Variants in NRIP1 observed in about 807,000 individuals in gnomAD.
The protein encoded by NRIP1 is nuclear receptor interacting protein 1, also known as nuclear receptor-interacting protein 1.
In NRIP1, 28 loss-of-function variants were observed where a neutral mutation model predicts 75.0. The ratio of observed to expected loss-of-function variants is 0.37; its 90% CI spans 0.28 to 0.51. NRIP1 has a LOEUF of 0.51. NRIP1 is among the 20% of genes least tolerant of loss of function. NRIP1 has a pLI of 0.92. For synonymous variants in NRIP1, 526 were observed against 487.6 expected (o/e 1.08, Z -1.04); for missense variants, 1,435 against 1,343.7 (o/e 1.07, Z -1.06).
intron 2 of NRIP1, among the ~76,000 whole-genome samples, chr21:15,030,984 G>A (rs1050340971): frequency 7.0e-6 from 1 of 142,540 alleles, no homozygotes; most frequent in Non-Finnish European, 1.6e-5. Context: ...TGTACACTCT[G>A]GAAGGTGTTC....
intron 1 of NRIP1, among the ~76,000 whole-genome samples, chr21:15,044,704 T>C (rs1234923510): frequency 6.6e-6 from 1 of 152,228 alleles, no homozygotes; most frequent in East Asian, 1.9e-4. Context: ...TTTTTCATTT[T>C]CATTTCATTT....
At chr21:15,032,234 T>C (rs573861066) in intron 2 of NRIP1, among the ~76,000 whole-genome samples, 9 of 152,200 alleles carry the variant, frequency 5.9e-5, no homozygotes, top group Admixed American at 2.6e-4. Flanking sequence ...AAACAAGAAC[T>C]CTTCAAATTC....
chr21:15,019,465 C>T (rs1410960607), intron 2 of NRIP1, among the ~76,000 whole-genome samples: 2 of 106,838 alleles, frequency 1.9e-5, no homozygotes, highest in African/African-American at 3.4e-5. Flanking sequence ...CAAACAACTG[C>T]ATTTCTTTTT....
chr21:15,035,504 A>G (rs2088811216), intron 2 of NRIP1, among the ~76,000 whole-genome samples: 1 of 152,014 alleles, frequency 6.6e-6, no homozygotes, highest in Non-Finnish European at 1.5e-5. Flanking sequence ...AAGGTTTAAA[A>G]CTAAGAAAAT....
intron 2 of NRIP1, among the ~76,000 whole-genome samples, chr21:15,024,124 C>A (rs2088449429): frequency 6.6e-6 from 1 of 152,078 alleles, no homozygotes; most frequent in Admixed American, 6.5e-5. Context: ...TTCCTTAAGA[C>A]ACAGAAAGGT....
At chr21:15,046,914 C>CGGCCAGT (rs2089092008) in intron 1 of NRIP1, among the ~76,000 whole-genome samples, 1 of 152,166 alleles carries the variant, frequency 6.6e-6, no homozygotes, top group African/African-American at 2.4e-5. Flanking sequence ...CATCTCCTCT[C>CGGCCAGT]GGCCTTTGTG....
chr21:15,018,912 G>A (rs1028665395), intron 2 of NRIP1, among the ~76,000 whole-genome samples: 14 of 151,880 alleles, frequency 9.2e-5, no homozygotes, highest in East Asian at 1.9e-4. Context: ...CCCATTTTAC[G>A]GAGAAAAAAT....
chr21:15,044,803 T>C (rs917606230), intron 1 of NRIP1, among the ~76,000 whole-genome samples: 1 of 152,188 alleles, frequency 6.6e-6, no homozygotes, highest in Non-Finnish European at 1.5e-5. Flanking sequence ...TCTTCACCAC[T>C]ATACCTGTAG....
intron 3 of NRIP1, among the ~76,000 whole-genome samples, chr21:14,974,905 C>A (rs142535581): frequency 2.6e-5 from 4 of 151,680 alleles, no homozygotes; most frequent in Admixed American, 2.6e-4. Flanking sequence ...CCCAGGAGTT[C>A]GAGACCAGCC....
intron 1 of NRIP1, among the ~76,000 whole-genome samples, chr21:15,056,901 A>G (rs898091091): frequency 6.6e-6 from 1 of 152,180 alleles, no homozygotes; most frequent in Admixed American, 6.5e-5. Flanking sequence ...GGAGAAGCTC[A>G]TAACTCCATT....
chr21:15,006,497 T>C (rs553923396), intron 3 of NRIP1, among the ~76,000 whole-genome samples: 1 of 152,196 alleles, frequency 6.6e-6, no homozygotes, highest in Non-Finnish European at 1.5e-5. Context: ...AATCACAATA[T>C]ATGCTAAAAT....
chr21:15,022,936 T>A (rs1053481184), intron 2 of NRIP1, among the ~76,000 whole-genome samples: 3 of 152,206 alleles, frequency 2.0e-5, no homozygotes, highest in Non-Finnish European at 4.4e-5. Context: ...TACAACATAG[T>A]CAAACTTTAT....
At position 14,967,198 on chromosome 21, in the gene NRIP1, G is replaced by C; in HGVS notation, c.995C>G (p.Ser332Ter). Residue 332 changes from serine (S) to a stop codon, truncating the protein, a stop_gained, in exon 4 of 4, where the codon TCA becomes TGA. Coordinates refer to ENST00000318948, the MANE Select transcript of NRIP1 (RefSeq NM_003489.4). LOFTEE classifies it high-confidence loss of function. ...TTTGCTAGCCATCAGTTTGCTTGATGATGTTCTTGCCTGACCATTAAGATG... is the reference window on the plus strand; with the variant it reads ...TTTGCTAGCCATCAGTTTGCTTGATCATGTTCTTGCCTGACCATTAAGATG... Reference protein sequence around the residue: ...SSHLNGQARTSSSKLMASKSS... With the variant: ...SSHLNGQART 6.2e-7 allele frequency: 1 copy of C among 1,614,076 alleles called. No homozygotes were observed. The highest frequency in any genetic ancestry group is 8.5e-7 in the Non-Finnish European group (1 of 1,180,000).
At chr21:15,053,938 ATAATT>A (rs1354288837) in intron 1 of NRIP1, among the ~76,000 whole-genome samples, 2 of 152,216 alleles carry the variant, frequency 1.3e-5, no homozygotes, top group Admixed American at 6.5e-5. Context: ...ATATATCCAT[ATAATT>A]TATTTTCTAT....
chr21:15,061,633 GTATTT>G (rs934924430), intron 1 of NRIP1, among the ~76,000 whole-genome samples: 2 of 152,118 alleles, frequency 1.3e-5, no homozygotes, highest in Non-Finnish European at 1.5e-5. Flanking sequence ...CAAAAATTCG[GTATTT>G]TAAACTCATT....
chr21:15,018,081 C>A (rs550679259), intron 2 of NRIP1, among the ~76,000 whole-genome samples: 1 of 152,210 alleles, frequency 6.6e-6, no homozygotes, highest in South Asian at 2.1e-4. Flanking sequence ...CAGATGTGTT[C>A]TGAATCATGA....
In NRIP1 at chr21:15,016,360, T is replaced by C. The variant is rs113110263; in HGVS notation, c.-457-1894A>G. 7.0e-3 allele frequency among the ~76,000 whole-genome samples: 1,060 copies of C among 152,282 alleles called. 8 individuals carry two copies. The highest frequency in any genetic ancestry group is 0.023 in the African/African-American group (948 of 41,552). On this transcript the variant is annotated intron_variant, in intron 2 of 3. Transcript: ENST00000318948. ...ATAACCATATGTGTAATTACATGAG[T>C]ACTCCTATTAGAATGTGGTAGGGAC...
chr21:15,015,651 C>A (rs1376516758), intron 2 of NRIP1, among the ~76,000 whole-genome samples: 1 of 151,770 alleles, frequency 6.6e-6, no homozygotes, highest in Non-Finnish European at 1.5e-5. Context: ...ATTATGTAGT[C>A]ATTAAAATAT....
chr21:15,021,232 G>A lies in NRIP1; in HGVS notation c.-457-6766C>T, dbSNP rs75050694. 5.4e-3 allele frequency among the ~76,000 whole-genome samples: 823 copies of A among 152,272 alleles called. 2 individuals are homozygous for A. The highest frequency in any genetic ancestry group is 8.7e-3 in the Non-Finnish European group (595 of 68,014). On this transcript the variant is annotated intron_variant, in intron 2 of 3. Coordinates refer to ENST00000318948, the MANE Select transcript of NRIP1 (RefSeq NM_003489.4). ...AAAAGGGAATGAACTAATGATTCAC[G>A]TCACCAAGGATGAACCTCAGAAACT...
Sources: allele counts gnomAD v4.1 joint callset (sites outside exome capture counted in the v4.1 genomes callset), GRCh38; gene constraint gnomAD v4.1.1; transcripts MANE v1.5; gene names NCBI Gene and HGNC (gene_info 2026-07-23, HGNC 2026-07-21).